Variants in RPS6KC1 observed in about 807,000 individuals in gnomAD.
RPS6KC1 encodes the protein ribosomal protein S6 kinase C1.
In RPS6KC1, 54 loss-of-function variants were observed where a neutral mutation model predicts 103.8. That is an observed-to-expected ratio of 0.52 (90% CI 0.42 to 0.65). RPS6KC1 has a LOEUF of 0.65. Ranked by LOEUF, RPS6KC1 falls within the 30% of genes least tolerant of loss-of-function variation. The probability of loss-of-function intolerance (pLI) is 0.00; values close to 1 mark genes in which losing one functional copy is unlikely to be tolerated. For missense variants in RPS6KC1, 1,151 were observed against 1,253.8 expected (o/e 0.92, Z 1.24); for synonymous variants, 439 against 438.7 (o/e 1.00, Z -0.01).
At chr1:213,728,541 T>C in the RPS6KC1 span, among the ~76,000 whole-genome samples, 14 of 152,190 alleles carry the variant, frequency 9.2e-5, no homozygotes, top group South Asian at 2.9e-3. Context: ...TGTGCCTCAG[T>C]TTCTTCTTCT....
At chr1:213,747,689 C>G in the RPS6KC1 span, among the ~76,000 whole-genome samples, 1 of 152,190 alleles carries the variant, frequency 6.6e-6, no homozygotes, top group Non-Finnish European at 1.5e-5. Context: ...AAAGATTTTA[C>G]AACCTAGTCA....
the RPS6KC1 span, among the ~76,000 whole-genome samples, chr1:213,499,405 C>T: frequency 1.2e-3 from 190 of 152,262 alleles, no homozygotes; most frequent in African/African-American, 4.4e-3. Flanking sequence ...GACAATTTTT[C>T]CGTAGTAGGT....
At chr1:213,532,135 A>T in the RPS6KC1 span, among the ~76,000 whole-genome samples, 1 of 152,178 alleles carries the variant, frequency 6.6e-6, no homozygotes, top group East Asian at 1.9e-4. Context: ...CAGGCTGCCC[A>T]TCAAAACACA....
At chr1:213,617,406 G>A in the RPS6KC1 span, among the ~76,000 whole-genome samples, 1 of 152,306 alleles carries the variant, frequency 6.6e-6, no homozygotes, top group Admixed American at 6.5e-5. Flanking sequence ...TGGTTGTGGA[G>A]ATGGAAGGAG....
chr1:213,421,731 G>A, the RPS6KC1 span, among the ~76,000 whole-genome samples: 14 of 152,314 alleles, frequency 9.2e-5, no homozygotes, highest in Admixed American at 8.5e-4. Flanking sequence ...TACCTGCTAC[G>A]TGGTAGGTGC....
intron 2 of RPS6KC1, among the ~76,000 whole-genome samples, chr1:213,072,676 A>G (rs866716390): frequency 9.2e-5 from 14 of 152,342 alleles, no homozygotes; most frequent in South Asian, 8.3e-4. Flanking sequence ...ACATACATAT[A>G]TATGTATCAG....
the RPS6KC1 span, among the ~76,000 whole-genome samples, chr1:213,686,134 C>T: frequency 2.7e-4 from 41 of 152,288 alleles, no homozygotes; most frequent in Admixed American, 2.0e-3. Flanking sequence ...CATTTACCAG[C>T]CCTCCCCAAC....
intron 8 of RPS6KC1, among the ~76,000 whole-genome samples, chr1:213,188,471 A>G (rs940004458): frequency 6.6e-6 from 1 of 151,942 alleles, no homozygotes; most frequent in Non-Finnish European, 1.5e-5. Context: ...TCTCATTCTC[A>G]TATTTGAATT....
At chr1:213,580,677 A>C in the RPS6KC1 span, among the ~76,000 whole-genome samples, 2 of 152,110 alleles carry the variant, frequency 1.3e-5, no homozygotes, top group Non-Finnish European at 2.9e-5. Context: ...CACCACTCTG[A>C]TCAGTCAGCA....
the RPS6KC1 span, among the ~76,000 whole-genome samples, chr1:213,719,315 A>G: frequency 3.3e-5 from 5 of 152,220 alleles, 1 homozygote; most frequent in Non-Finnish European, 5.9e-5. Flanking sequence ...CCGGAGTACA[A>G]GGGTGAGTAT....
At chr1:213,172,753 C>G (rs148249148) in intron 7 of RPS6KC1, among the ~76,000 whole-genome samples, 1 of 152,274 alleles carries the variant, frequency 6.6e-6, no homozygotes, top group Non-Finnish European at 1.5e-5. Flanking sequence ...TATGTACTTG[C>G]CACCTCTGCT....
chr1:213,232,205 A>G lies in RPS6KC1; in HGVS notation c.1175A>G (p.Lys392Arg). 6.2e-7 allele frequency: 1 copy of G among 1,614,076 alleles called. No homozygotes were observed. The highest frequency in any genetic ancestry group is 8.5e-7 in the Non-Finnish European group (1 of 1,179,910). The change falls in exon 10 of 15, where the codon AAG becomes AGG. Residue 392 changes from lysine to arginine, a missense_variant. Around this residue, in one of 3 missense-constraint regions of RPS6KC1, gnomAD observed 959 missense variants for 1,006.3 expected, o/e 0.95. Coordinates refer to ENST00000366960, the MANE Select transcript of RPS6KC1 (RefSeq NM_012424.6). ...RCVPNMVCLH[K>R]YIISEESVFL... ...GTGCCCAACATGGTGTGTCTGCATA[A>G]GTACATCATCTCTGAGGAGTCAGTA...
At chr1:213,845,145 G>C in the RPS6KC1 span, among the ~76,000 whole-genome samples, 9 of 151,840 alleles carry the variant, frequency 5.9e-5, no homozygotes, top group Non-Finnish European at 2.9e-5. Flanking sequence ...TAGGAATTTA[G>C]AGTCTGTGAG....
chr1:213,703,128 G>A, the RPS6KC1 span, among the ~76,000 whole-genome samples: 1 of 152,040 alleles, frequency 6.6e-6, no homozygotes, highest in Non-Finnish European at 1.5e-5. Context: ...AGGTTACTGT[G>A]AGGCTGGCAA....
the RPS6KC1 span, among the ~76,000 whole-genome samples, chr1:213,672,620 A>G: frequency 6.6e-6 from 1 of 152,098 alleles, no homozygotes; most frequent in Non-Finnish European, 1.5e-5. Flanking sequence ...CATAAAATTC[A>G]TCATTCTAGA....
chr1:213,454,247 C>G, the RPS6KC1 span, among the ~76,000 whole-genome samples: 2 of 152,106 alleles, frequency 1.3e-5, no homozygotes, highest in African/African-American at 4.8e-5. Flanking sequence ...TTTGAACAAA[C>G]AAGGACACGT....
chr1:213,213,912 G>T (rs952325046), intron 8 of RPS6KC1, among the ~76,000 whole-genome samples: 2 of 152,156 alleles, frequency 1.3e-5, no homozygotes, highest in East Asian at 3.9e-4. Context: ...CAAGATGGCC[G>T]AATAGGAACA....
chr1:213,205,795 G>T (rs890073534), intron 8 of RPS6KC1, among the ~76,000 whole-genome samples: 1 of 151,646 alleles, frequency 6.6e-6, no homozygotes, highest in African/African-American at 2.4e-5. Context: ...AAAGTTAAGA[G>T]TATACAAGTT....
At chr1:213,307,346 T>C in the RPS6KC1 span, among the ~76,000 whole-genome samples, 1 of 152,108 alleles carries the variant, frequency 6.6e-6, no homozygotes, top group African/African-American at 2.4e-5. Flanking sequence ...TCGCCGCGCC[T>C]GGCCAGGATG....
Sources: allele counts gnomAD v4.1 joint callset (sites outside exome capture counted in the v4.1 genomes callset), GRCh38; gene constraint gnomAD v4.1.1; regional missense constraint gnomAD v4.1.1; transcripts MANE v1.5; gene names NCBI Gene and HGNC (gene_info 2026-07-23, HGNC 2026-07-21).